ZNF608: variants seen among roughly 807,000 people sequenced by gnomAD.
The protein encoded by ZNF608 is zinc finger protein 608, also known as renal carcinoma antigen NY-REN-36.
In ZNF608, 12 loss-of-function variants were observed where a neutral mutation model predicts 109.0. The observed-to-expected ratio is 0.11, with a 90% CI of 0.07 to 0.18. ZNF608 has a LOEUF of 0.18. Among genes scored for constraint, ZNF608 ranks in the 10% least tolerant of loss-of-function variants. The pLI is 1.00. For missense variants in ZNF608, 1,707 were observed against 1,879.3 expected, an observed-to-expected ratio of 0.91 and a Z score of 1.70; for synonymous variants, 732 against 717.4, an observed-to-expected ratio of 1.02 and a Z score of -0.33.
At chr5:124,703,519 A>C (rs1446238040) in intron 2 of ZNF608, among the ~76,000 whole-genome samples, 3 of 152,140 alleles carry the variant, frequency 2.0e-5, no homozygotes, top group African/African-American at 7.2e-5. Context: ...TAATCCCAAC[A>C]TTGTGGGAGC....
intron 2 of ZNF608, among the ~76,000 whole-genome samples, chr5:124,724,914 G>A (rs1754078428): frequency 6.6e-6 from 1 of 152,180 alleles, no homozygotes. Flanking sequence ...TCCCTCCTCT[G>A]CGCAAAGCCC....
chr5:124,641,302 T>C lies in ZNF608; in HGVS notation c.4400A>G (p.His1467Arg). The change falls in exon 8 of 10, where the codon CAC becomes CGC. Residue 1467 changes from histidine to arginine, a missense_variant. Physicochemically the swap from His to Arg is conservative, Grantham distance 29. Around this residue, in one of 7 missense-constraint regions of ZNF608, gnomAD observed 1,073 missense variants for 1,133.5 expected, o/e 0.95. Transcript: ENST00000513986. ...QRHLHTHHHT[H>R]VGMGYPLIPG... ...GATTAGCGGGTAACCCATGCCAACG[T>C]GGGTGTGGTGGTGCGTGTGCAGGTG... 6.2e-7 allele frequency: 1 copy of C among 1,613,832 alleles called. No individual in the cohort carries two copies. Among genetic ancestry groups the C allele is most frequent in the South Asian group, 1.1e-5 (1 of 91,066 alleles).
At chr5:124,706,919 G>A (rs1753283425) in intron 2 of ZNF608, among the ~76,000 whole-genome samples, 1 of 152,198 alleles carries the variant, frequency 6.6e-6, no homozygotes, top group Admixed American at 6.5e-5. Flanking sequence ...GCATGGGAGG[G>A]GGAGCAGGGA....
At chr5:124,733,108 G>A (rs1303881816) in intron 2 of ZNF608, among the ~76,000 whole-genome samples, 2 of 151,328 alleles carry the variant, frequency 1.3e-5, no homozygotes, top group African/African-American at 2.4e-5. Context: ...TGTACCTTAC[G>A]GCCTCATTCT....
intron 3 of ZNF608, among the ~76,000 whole-genome samples, chr5:124,655,085 CGA>C (rs900742686): frequency 1.1e-4 from 16 of 152,096 alleles, no homozygotes; most frequent in Non-Finnish European, 1.5e-4. Flanking sequence ...CGAGGACTGA[CGA>C]GAGAGAGAGT....
At chr5:124,663,850 A>T (rs1013705319) in intron 3 of ZNF608, among the ~76,000 whole-genome samples, 1 of 152,206 alleles carries the variant, frequency 6.6e-6, no homozygotes, top group Non-Finnish European at 1.5e-5. Context: ...CTGTCTTGAT[A>T]AAGTCTCCTG....
Position 124,637,344 on chromosome 5 carries a change from T to A in ZNF608, c.*556A>T, listed in dbSNP as rs1296325822. 6.6e-6 allele frequency: 1 copy of A among 152,606 alleles called. No individual in the cohort carries two copies. The highest frequency in any genetic ancestry group is 1.9e-4 in the East Asian group (1 of 5,204). 9.5% of individuals were successfully genotyped at this position (152,606 alleles called of 1,614,324 possible). Reference sequence around the variant, plus strand: ...AGTACAAACAGTGACTACAGGAACATTTTACACTGGTGCGTCTTTAACAGG... The same window carrying A: ...AGTACAAACAGTGACTACAGGAACAATTTACACTGGTGCGTCTTTAACAGG... On this transcript the variant is annotated 3_prime_UTR_variant, in exon 10 of 10. Coordinates refer to ENST00000513986, the MANE Select transcript of ZNF608 (RefSeq NM_020747.3).
At chr5:124,725,100 C>A (rs10075535) in intron 2 of ZNF608, among the ~76,000 whole-genome samples, 1 of 152,014 alleles carries the variant, frequency 6.6e-6, no homozygotes, top group East Asian at 1.9e-4. Context: ...CCTCGACCCC[C>A]GGGGGGATTG....
intron 9 of ZNF608, among the ~76,000 whole-genome samples, 158 bp from the exon 10 acceptor site, chr5:124,638,064 C>A (rs947466719): frequency 6.6e-6 from 1 of 152,154 alleles, no homozygotes; most frequent in African/African-American, 2.4e-5. Context: ...GATTCTCCTG[C>A]CTCAGCCTCC....
At chr5:124,697,855 G>C (rs144423109) in intron 3 of ZNF608, among the ~76,000 whole-genome samples, 125 of 152,228 alleles carry the variant, frequency 8.2e-4, no homozygotes, top group African/African-American at 2.8e-3. Flanking sequence ...AAGAGTGCAG[G>C]CATGAACTCT....
At chr5:124,671,256 T>C (rs1378912633) in intron 3 of ZNF608, among the ~76,000 whole-genome samples, 1 of 152,104 alleles carries the variant, frequency 6.6e-6, no homozygotes, top group East Asian at 1.9e-4. Flanking sequence ...AACTAAATAG[T>C]CAGAAATAGA....
intron 2 of ZNF608, among the ~76,000 whole-genome samples, chr5:124,717,279 A>G (rs1365971591): frequency 6.6e-6 from 1 of 152,056 alleles, no homozygotes; most frequent in East Asian, 1.9e-4. Context: ...CCACCTGGCC[A>G]ACATAGAGAA....
intron 2 of ZNF608, among the ~76,000 whole-genome samples, chr5:124,707,442 G>A (rs1001128545): frequency 2.0e-5 from 3 of 152,150 alleles, no homozygotes; most frequent in Non-Finnish European, 2.9e-5. Flanking sequence ...TATCCACACC[G>A]ATCCTGCTAT....
Position 124,744,825 on chromosome 5 carries a change from G to C in ZNF608, c.165C>G (p.Thr55=), listed in dbSNP as rs1427157669. The C allele has an allele frequency of 6.8e-6, 11 of 1,614,184 alleles. No homozygotes were observed. The highest frequency in any genetic ancestry group is 8.5e-6 in the Non-Finnish European group (10 of 1,180,024). ...RQKFEMNNST[T]TTSSSNSKDC... ...CCTTGGAGTTGCTGCTACTAGTGGT[G>C]GTGGTGGAATTATTCATCTCAAATT... The change falls in exon 2 of 10, where the codon ACC becomes ACG. Residue 55 remains threonine (T), a synonymous_variant. Transcript: ENST00000513986. The surrounding 1 kb of genome is among the most constrained non-coding windows in gnomAD (Gnocchi z 4.5).
At chr5:124,682,409 G>A (rs1752235973) in intron 3 of ZNF608, among the ~76,000 whole-genome samples, 1 of 152,186 alleles carries the variant, frequency 6.6e-6, no homozygotes, top group Non-Finnish European at 1.5e-5. Flanking sequence ...ATTGGAAAAT[G>A]TGCACCACGA....
chr5:124,704,519 T>C (rs1580661939), intron 2 of ZNF608, among the ~76,000 whole-genome samples: 1 of 152,278 alleles, frequency 6.6e-6, no homozygotes, highest in East Asian at 1.9e-4. Context: ...GATTTGCAGG[T>C]GGGGATTACA....
chr5:124,671,626 T>C (rs1751725711), intron 3 of ZNF608, among the ~76,000 whole-genome samples: 1 of 150,164 alleles, frequency 6.7e-6, no homozygotes, highest in Non-Finnish European at 1.5e-5. Context: ...CACATCATAC[T>C]GTCCTGGGGC....
At chr5:124,657,122 A>C (rs917480382) in intron 3 of ZNF608, among the ~76,000 whole-genome samples, 2 of 152,196 alleles carry the variant, frequency 1.3e-5, no homozygotes, top group Non-Finnish European at 2.9e-5. Flanking sequence ...TTCCCTAGTA[A>C]CATTATCATT....
At chr5:124,646,581 T>C in intron 5 of ZNF608, 98 bp downstream of exon 5, 1 of 1,443,998 alleles carries the variant, frequency 6.9e-7, no homozygotes. Context: ...TATGGGTTTC[T>C]TTCCTGTGTC....
Sources: gnomAD v4.1 joint callset for allele counts (sites outside exome capture counted in the v4.1 genomes callset) on GRCh38, gnomAD v4.1.1 for gene constraint, gnomAD v4.1.1 regional missense constraint, Gnocchi (gnomAD v3.1) non-coding constraint, MANE v1.5 for transcripts, NCBI Gene and HGNC (gene_info 2026-07-23, HGNC 2026-07-21) for gene names.